Variants in KCNIP4 observed in about 807,000 individuals in gnomAD.
The protein encoded by KCNIP4 is Kv channel-interacting protein 4.
Under a neutral mutation model 34.0 loss-of-function variants are expected in KCNIP4, and 12 were observed. The ratio of observed to expected loss-of-function variants is 0.35; its 90% CI spans 0.23 to 0.57. KCNIP4 has a LOEUF of 0.57. Among genes scored for constraint, KCNIP4 ranks in the 20% least tolerant of loss-of-function variants. The probability of loss-of-function intolerance (pLI) is 0.83; values close to 1 mark genes in which losing one functional copy is unlikely to be tolerated. For missense variants in KCNIP4, 238 were observed against 311.7 expected (o/e 0.76, Z 1.78); for synonymous variants, 124 against 102.2 (o/e 1.21, Z -1.29).
chr4:21,670,527 T>A (rs1749395313), intron 1 of KCNIP4, among the ~76,000 whole-genome samples: 1 of 151,904 alleles, frequency 6.6e-6, no homozygotes, highest in East Asian at 1.9e-4. Context: ...CATATGTAAC[T>A]AACCTGCACA....
At chr4:21,933,985 A>C (rs2109011644) in intron 1 of KCNIP4, among the ~76,000 whole-genome samples, 1 of 152,242 alleles carries the variant, frequency 6.6e-6, no homozygotes, top group African/African-American at 2.4e-5. Context: ...TAATATTGAA[A>C]GGATTCATGA....
intron 1 of KCNIP4, among the ~76,000 whole-genome samples, chr4:20,970,097 A>G (rs894938793): frequency 1.3e-5 from 2 of 151,816 alleles, no homozygotes; most frequent in Non-Finnish European, 2.9e-5. Context: ...GCCCGCCACC[A>G]CGCCCGGCTA....
chr4:20,936,741 T>A lies in KCNIP4; in HGVS notation c.62-54032A>T, dbSNP rs1731108705. On this transcript the variant is annotated intron_variant, in intron 1 of 8. Coordinates refer to ENST00000382152, the MANE Select transcript of KCNIP4 (RefSeq NM_025221.6). ...GCAACAGGATGGAAAAAAGCGTGCT[T>A]CTTGTTTATTTTTCAATCCCTCACC... is the stretch of plus-strand genomic sequence containing the variant. Among the ~76,000 whole-genome samples the A allele has an allele frequency of 2.0e-5, 3 of 152,128 alleles. No homozygotes were observed. The South Asian group carries it at 6.2e-4, about 32-fold the overall frequency.
intron 8 of KCNIP4, chr4:20,731,288 G>T: frequency 3.4e-6 from 2 of 582,724 alleles, no homozygotes; most frequent in Non-Finnish European, 2.2e-6. Flanking sequence ...TGCCCACATT[G>T]GACTCAAAAT....
At chr4:21,393,313 T>G (rs10004563) in intron 1 of KCNIP4, among the ~76,000 whole-genome samples, 85,774 of 145,990 alleles carry the variant, frequency 0.59, 24,836 homozygotes, top group Non-Finnish European at 0.65. Context: ...GATCTAGAAG[T>G]TTTTTTTTCA....
rs1328164387 is a variant in KCNIP4, at chr4:21,025,549, T to TTTTG, written c.62-142841_62-142840insCAAA. Among the ~76,000 whole-genome samples, 97 of 66,224 alleles carry TTTTG rather than the reference T, an allele frequency of 1.5e-3. 11 individuals carry two copies. The highest frequency in any genetic ancestry group is 5.0e-3 in the East Asian group (11 of 2,188). 43.4% of individuals were successfully genotyped at this position (66,224 alleles called of 152,430 possible). ...AAGGTCACTCATTGATACTGTTTTT[T>TTTTG]TTTTTTTTTTTTTTTTTTTTTTGAG... On this transcript the variant is annotated intron_variant, in intron 1 of 8. Transcript: ENST00000382152.
chr4:21,109,138 A>T (rs1251886076), intron 1 of KCNIP4, among the ~76,000 whole-genome samples: 4 of 152,108 alleles, frequency 2.6e-5, no homozygotes, highest in Admixed American at 6.5e-5. Flanking sequence ...AAGCTGTCAG[A>T]CAGGGACATT....
At chr4:21,343,202 G>T (rs1367337543) in intron 1 of KCNIP4, among the ~76,000 whole-genome samples, 2 of 152,052 alleles carry the variant, frequency 1.3e-5, no homozygotes, top group Non-Finnish European at 2.9e-5. Context: ...AATAGAAAAA[G>T]TTCTGCAGGT....
chr4:20,979,780 T>C (rs1375514912), intron 1 of KCNIP4, among the ~76,000 whole-genome samples: 2 of 149,500 alleles, frequency 1.3e-5, no homozygotes, highest in African/African-American at 2.5e-5. Flanking sequence ...TCCCACTTGC[T>C]CCCCCAAAGT....
intron 1 of KCNIP4, among the ~76,000 whole-genome samples, chr4:21,025,560 T>G (rs1188118007): frequency 2.4e-5 from 3 of 125,614 alleles, no homozygotes; most frequent in East Asian, 2.2e-4. Flanking sequence ...TTTTTTTTTT[T>G]TTTTTTTTTT....
rs570779480 is a variant in KCNIP4, at chr4:21,429,319, A to T, written c.61+519252T>A. 3.0e-4 allele frequency among the ~76,000 whole-genome samples: 45 copies of T among 147,598 alleles called. No homozygotes were observed. In the South Asian group the frequency reaches 9.1e-3, roughly 30 times the overall value. On this transcript the variant is annotated intron_variant, in intron 1 of 8. Coordinates refer to ENST00000382152, the MANE Select transcript of KCNIP4 (RefSeq NM_025221.6). ...CTCCATTTCTTTTCATGACTTGATA[A>T]CTCATTTTTTTTTAGCACTGAATAA...
At chr4:21,800,202 C>A (rs772730472) in intron 1 of KCNIP4, among the ~76,000 whole-genome samples, 1 of 152,088 alleles carries the variant, frequency 6.6e-6, no homozygotes, top group Non-Finnish European at 1.5e-5. Context: ...TTATTTAAAT[C>A]AAGTTGGTAC....
intron 1 of KCNIP4, among the ~76,000 whole-genome samples, chr4:21,875,166 C>G (rs1009684461): frequency 6.6e-6 from 1 of 152,114 alleles, no homozygotes; most frequent in Non-Finnish European, 1.5e-5. Flanking sequence ...GGTCACAGAG[C>G]TAGTCAGTAG....
At chr4:21,473,595 A>G (rs1403842695) in intron 1 of KCNIP4, among the ~76,000 whole-genome samples, 1 of 152,198 alleles carries the variant, frequency 6.6e-6, no homozygotes, top group African/African-American at 2.4e-5. Context: ...ACATCATTTA[A>G]TTAGAGTATA....
intron 1 of KCNIP4, among the ~76,000 whole-genome samples, chr4:21,294,965 T>A (rs1028780551): frequency 2.0e-5 from 3 of 152,216 alleles, no homozygotes; most frequent in African/African-American, 7.2e-5. Flanking sequence ...CCTTTTTACC[T>A]CTACTGTCAC....
intron 1 of KCNIP4, among the ~76,000 whole-genome samples, chr4:21,085,105 A>C (rs1207530652): frequency 6.6e-6 from 1 of 152,118 alleles, no homozygotes; most frequent in Non-Finnish European, 1.5e-5. Context: ...AATATGCTGA[A>C]GCCTAAACCC....
rs555158998 is a variant in KCNIP4 at position 20,839,026 on chromosome 4, T to G, written c.288+11517A>C. Among the ~76,000 whole-genome samples the G allele has an allele frequency of 2.0e-5, 3 of 152,306 alleles. No individual in the cohort carries two copies. In the South Asian group the frequency reaches 6.2e-4, roughly 32 times the overall value. ...GGAATCATTATGAGAAAGATTATGT[T>G]AGCTTCTGGAGGAACTCAAGGGACA... On this transcript the variant is annotated intron_variant, in intron 3 of 8. Transcript: ENST00000382152.
At chr4:20,849,500 A>T (rs1239077762) in intron 3 of KCNIP4, among the ~76,000 whole-genome samples, 1 of 152,186 alleles carries the variant, frequency 6.6e-6, no homozygotes, top group Non-Finnish European at 1.5e-5. Flanking sequence ...AGAGGTAGAG[A>T]TTCATATCTA....
intron 3 of KCNIP4, among the ~76,000 whole-genome samples, chr4:20,782,480 G>C (rs182117269): frequency 6.6e-6 from 1 of 152,156 alleles, no homozygotes; most frequent in African/African-American, 2.4e-5. Context: ...TCTAGACAGA[G>C]GTTCCCAAAC....
Sources: allele counts gnomAD v4.1 joint callset (sites outside exome capture counted in the v4.1 genomes callset), GRCh38; gene constraint gnomAD v4.1.1; transcripts MANE v1.5; gene names NCBI Gene and HGNC (gene_info 2026-07-23, HGNC 2026-07-21).